The following NID2 variants were observed in gnomAD, a reference collection of about 807,000 sequenced individuals.
NID2 encodes the protein nidogen-2.
In NID2, 83 loss-of-function variants were observed where a neutral mutation model predicts 145.4. The observed-to-expected ratio is 0.57, with a 90% CI of 0.48 to 0.69. The LOEUF (loss-of-function observed/expected upper bound fraction) is 0.69. Ranked by LOEUF, NID2 falls within the 30% of genes least tolerant of loss-of-function variation. The pLI is 0.00. For synonymous variants in NID2, 739 were observed against 701.3 expected (o/e 1.05, Z -0.85); for missense variants, 1,807 against 1,765.7 (o/e 1.02, Z -0.42).
At chr14:52,045,514 GCTTAA>G (rs968286208) in intron 5 of NID2, among the ~76,000 whole-genome samples, 2 of 147,140 alleles carry the variant, frequency 1.4e-5, no homozygotes, top group Non-Finnish European at 3.0e-5. Flanking sequence ...AAAGTGACAA[GCTTAA>G]CTTAAACAGA....
In NID2 at chr14:52,029,666, T is replaced by G; in HGVS notation, c.2282A>C (p.Asn761Thr). 6.2e-7 allele frequency: 1 copy of G among 1,613,998 alleles called. No individual in the cohort carries two copies. ...CATGTGGCTCCCATCATAGCAAGGA[T>G]TCCCCGGAGTGGGGTCTGAATCCTC... The part of the protein sequence containing the change: ...VKEDSDPTPG[N>T]PCYDGSHMCD... The change falls in exon 10 of 22, where the codon AAT becomes ACT. Residue 761 changes from asparagine (N) to threonine (T), a missense_variant. By Grantham distance (65) the Asn-to-Thr change is moderately conservative (BLOSUM62 0). Transcript: ENST00000216286.
At position 52,054,094 on chromosome 14, in the gene NID2, G is replaced by T. The variant is rs1393805930; in HGVS notation, c.995C>A (p.Pro332Gln). 6.2e-7 allele frequency: 1 copy of T among 1,614,012 alleles called. No homozygotes were observed. The highest frequency in any genetic ancestry group is 1.3e-5 in the African/African-American group (1 of 74,900). The change falls in exon 4 of 22, where the codon CCA (proline) becomes CAA (glutamine). Residue 332 changes from proline to glutamine, a missense_variant. Transcript: ENST00000216286. ...GCTGTGGCCATTCAATGCCTCCTCTGGTTCACCCGGAAGGTATTCAGCTTC... is the reference window on the plus strand; with the variant it reads ...GCTGTGGCCATTCAATGCCTCCTCTTGTTCACCCGGAAGGTATTCAGCTTC... Reference protein sequence around the residue: ...EEEAEYLPGEPEEALNGHSSI... With the variant: ...EEEAEYLPGEQEEALNGHSSI...
At position 52,006,715 on chromosome 14, in the gene NID2, A is replaced by G. The variant is rs73301064; in HGVS notation, c.3881-55T>C. 1.1e-3 allele frequency: 1,780 copies of G among 1,586,962 alleles called. 15 individuals carry two copies. In the African/African-American group the frequency reaches 0.021, roughly 19 times the overall value. On this transcript the variant is annotated intron_variant, in intron 19 of 21. Transcript: ENST00000216286. ...CTTCAGCTGCTTTGCCAAAAATGAT[A>G]GTGACATAGTGATAGTGACACAGTG...
chr14:52,009,092 CT>C (rs1469828067), intron 18 of NID2: 2 of 152,094 alleles, frequency 1.3e-5, no homozygotes, highest in African/African-American at 4.8e-5. Context: ...TACAGAGAAC[CT>C]CAGTGAGAGG....
In NID2 at chr14:52,005,431, C is replaced by G. The variant is rs1234488802; in HGVS notation, c.*55G>C. 28 of 1,509,142 alleles carry G rather than the reference C, an allele frequency of 1.9e-5. No homozygotes were observed. Among genetic ancestry groups the G allele is most frequent in the Non-Finnish European group, 2.0e-5 (22 of 1,127,280 alleles). 93.5% of individuals were successfully genotyped at this position (1,509,142 alleles called of 1,614,324 possible). On this transcript the variant is annotated 3_prime_UTR_variant, in exon 22 of 22. Transcript: ENST00000216286. The stretch of plus-strand genomic sequence containing the variant: ...TTTCTTTGCCTTTGCAGTCACTGTT[C>G]TTTAGGGTCCAGGTTCTGATTGTAA...
intron 2 of NID2, 82 bp downstream of exon 2, chr14:52,067,776 C>G (rs1317234094): frequency 1.3e-6 from 2 of 1,507,530 alleles, no homozygotes; most frequent in Admixed American, 1.7e-5. Context: ...GAAACAACTC[C>G]GAGCCAGTCC....
chr14:52,048,883 G>A (rs938916611), intron 5 of NID2, among the ~76,000 whole-genome samples: 9 of 152,148 alleles, frequency 5.9e-5, no homozygotes, highest in African/African-American at 1.9e-4. Context: ...TAGAGGAGGC[G>A]CTTGGAAATC....
chr14:52,021,311 A>G (rs1891395484), intron 12 of NID2, among the ~76,000 whole-genome samples: 1 of 152,186 alleles, frequency 6.6e-6, no homozygotes, highest in African/African-American at 2.4e-5. Context: ...CATGGTAGAG[A>G]CACATCAGCA....
intron 12 of NID2, 89 bp from the exon 13 acceptor site, chr14:52,020,267 G>A (rs1891355691): frequency 7.0e-6 from 11 of 1,565,322 alleles, no homozygotes; most frequent in Non-Finnish European, 9.5e-6. Flanking sequence ...TTGGATATGT[G>A]GATCAACACC....
chr14:52,008,491 CT>C (rs1206383682), intron 18 of NID2: 2 of 152,554 alleles, frequency 1.3e-5, no homozygotes, highest in East Asian at 3.9e-4. Context: ...TAAATGTTAT[CT>C]TACACTGCTG....
rs3030384 is a variant in NID2, at chr14:52,032,804, G to GAAAAAAAA, written c.2258-3122_2258-3115dup. Reference sequence around the variant, plus strand: ...CTTACCACCCTGCTAGGCATTAAAAGAAAAAAAAAAAATCTCAGCTCAAAA... The same window carrying GAAAAAAAA: ...CTTACCACCCTGCTAGGCATTAAAAGAAAAAAAAAAAAAAAAAAAATCTCAGCTCAAAA... On this transcript the variant is annotated intron_variant, in intron 9 of 21. Coordinates refer to ENST00000216286, the MANE Select transcript of NID2 (RefSeq NM_007361.4). Among the ~76,000 whole-genome samples, 207 of 141,830 alleles carry GAAAAAAAA rather than the reference G, an allele frequency of 1.5e-3. 4 individuals are homozygous for GAAAAAAAA. The highest frequency in any genetic ancestry group is 4.1e-3 in the African/African-American group (154 of 37,220). 93.0% of individuals were successfully genotyped at this position (141,830 alleles called of 152,430 possible).
At chr14:52,030,493 GAAAGAAAGAGAAAGAAAGAAAGA>G (rs1296434241) in intron 9 of NID2, among the ~76,000 whole-genome samples, 4 of 34,490 alleles carry the variant, frequency 1.2e-4, no homozygotes, top group African/African-American at 3.4e-4. Flanking sequence ...AAGAAAGAAA[GAAAGAAAGAGAAAGAAAGAAAGA>G]AAAGAAAGAA....
chr14:52,049,355 A>C (rs1892611459), intron 5 of NID2, among the ~76,000 whole-genome samples: 3 of 152,132 alleles, frequency 2.0e-5, no homozygotes, highest in Admixed American at 2.0e-4. Context: ...ACTTGTTCTG[A>C]GCCATCTTTC....
intron 9 of NID2, among the ~76,000 whole-genome samples, chr14:52,030,357 G>A (rs939224706): frequency 2.6e-5 from 4 of 151,882 alleles, no homozygotes; most frequent in African/African-American, 9.7e-5. Flanking sequence ...ATCTATTTTG[G>A]CTGAGCATGG....
intron 2 of NID2, among the ~76,000 whole-genome samples, chr14:52,067,356 A>C (rs1373214348): frequency 1.3e-5 from 2 of 152,256 alleles, no homozygotes; most frequent in Non-Finnish European, 2.9e-5. Flanking sequence ...CAGTATGTGC[A>C]GTGTAAACTC....
At chr14:52,063,328 C>T (rs1893077273) in intron 2 of NID2, among the ~76,000 whole-genome samples, 1 of 152,218 alleles carries the variant, frequency 6.6e-6, no homozygotes, top group South Asian at 2.1e-4. Context: ...GGGGCCTCCA[C>T]AGGGAGAGGA....
chr14:52,060,254 C>T lies in NID2; in HGVS notation c.637G>A (p.Glu213Lys), dbSNP rs916457968. The T allele has an allele frequency of 1.9e-6, 3 of 1,613,376 alleles. No individual in the cohort carries two copies. The African/African-American group carries it at 4.0e-5, about 22-fold the overall frequency. Residue 213 changes from glutamate (E) to lysine (K), a missense_variant, in exon 3 of 22, where the codon GAG becomes AAG. Coordinates refer to ENST00000216286, the MANE Select transcript of NID2 (RefSeq NM_007361.4). ...AGCTGAAGCTGGACATTGTAAGACT[C>T]TTTGGGGCGGGTTCCAAGGAACTGC... ...GLQFLGTRPK[E>K]SYNVQLQLPA...
chr14:52,026,970 C>T (rs993325755), intron 12 of NID2, among the ~76,000 whole-genome samples: 11 of 152,242 alleles, frequency 7.2e-5, no homozygotes, highest in African/African-American at 2.7e-4. Flanking sequence ...CCGAGTGCTA[C>T]AGGAACGTCT....
intron 7 of NID2, 52 bp from the exon 8 acceptor site, chr14:52,040,903 A>C: frequency 6.5e-7 from 1 of 1,546,388 alleles, no homozygotes. Flanking sequence ...TTGCTTAAAC[A>C]GTTACCAGTA....
Sources: gnomAD v4.1 joint callset for allele counts (sites outside exome capture counted in the v4.1 genomes callset) on GRCh38, gnomAD v4.1.1 for gene constraint, MANE v1.5 for transcripts, NCBI Gene and HGNC (gene_info 2026-07-23, HGNC 2026-07-21) for gene names.